TAFA2: variants seen among roughly 807,000 people sequenced by gnomAD.
TAFA2 encodes the protein TAFA chemokine like family member 2.
In TAFA2, 7 loss-of-function variants were observed where a neutral mutation model predicts 18.8. That is an observed-to-expected ratio of 0.37 (90% CI 0.21 to 0.70). TAFA2 has a LOEUF of 0.70. TAFA2 is among the 30% of genes least tolerant of loss of function. TAFA2 has a pLI of 0.53. For missense variants in TAFA2, 122 were observed against 158.1 expected (o/e 0.77, Z 1.23); for synonymous variants, 60 against 54.2 (o/e 1.11, Z -0.47).
chr12:62,204,801 A>G (rs538280811), intron 1 of TAFA2, among the ~76,000 whole-genome samples: 7 of 152,256 alleles, frequency 4.6e-5, no homozygotes, highest in African/African-American at 1.4e-4. Context: ...GTTCATTATT[A>G]CCCACTTTCT....
At chr12:61,873,175 G>A (rs1248651783) in intron 1 of TAFA2, among the ~76,000 whole-genome samples, 1 of 152,138 alleles carries the variant, frequency 6.6e-6, no homozygotes, top group Non-Finnish European at 1.5e-5. Flanking sequence ...ACTAGAAATG[G>A]AGATGTGAAG....
At chr12:61,880,878 G>A (rs1388155466) in intron 1 of TAFA2, 1 of 191,150 alleles carries the variant, frequency 5.2e-6, no homozygotes, top group African/African-American at 2.4e-5. Flanking sequence ...ACCCACCTGA[G>A]ACTCAGCCCT....
intron 2 of TAFA2, among the ~76,000 whole-genome samples, chr12:61,819,283 G>A (rs573903074): frequency 9.2e-5 from 14 of 152,224 alleles, no homozygotes; most frequent in Middle Eastern, 3.4e-3. Context: ...TATAAAAATC[G>A]TGACTACCCA....
Position 62,063,086 on chromosome 12 carries a change from C to T in TAFA2, c.-2+128173G>A, listed in dbSNP as rs141609368. Reference sequence around the variant, plus strand: ...TCAATACCCCTACTCTTGATCACAACCTGTGTCATATAAGGTAATATATTC... The same window carrying T: ...TCAATACCCCTACTCTTGATCACAATCTGTGTCATATAAGGTAATATATTC... On this transcript the variant is annotated intron_variant, in intron 1 of 4. Transcript: ENST00000416284. Among the ~76,000 whole-genome samples, 188 of 152,100 alleles carry T rather than the reference C, an allele frequency of 1.2e-3. 1 individual carries two copies. Among genetic ancestry groups the T allele is most frequent in the African/African-American group, 3.2e-3 (131 of 41,482 alleles).
chr12:61,778,915 C>T (rs1371943730), intron 2 of TAFA2, among the ~76,000 whole-genome samples: 52 of 151,804 alleles, frequency 3.4e-4, no homozygotes, highest in Admixed American at 3.4e-3. Context: ...GTTATCCTTG[C>T]TTATAGAGAC....
intron 1 of TAFA2, among the ~76,000 whole-genome samples, chr12:61,868,383 T>G (rs1346912775): frequency 6.6e-6 from 1 of 152,142 alleles, no homozygotes; most frequent in Non-Finnish European, 1.5e-5. Flanking sequence ...CAAGTCCATC[T>G]CCATTTATTT....
chr12:61,980,924 C>A (rs953871183), intron 1 of TAFA2, among the ~76,000 whole-genome samples: 1 of 152,108 alleles, frequency 6.6e-6, no homozygotes, highest in Non-Finnish European at 1.5e-5. Flanking sequence ...ATCAAGCTAC[C>A]AATGACTTTC....
chr12:62,030,389 A>G (rs1217057736), intron 1 of TAFA2, among the ~76,000 whole-genome samples: 3 of 152,304 alleles, frequency 2.0e-5, no homozygotes, highest in South Asian at 4.1e-4. Context: ...GGAGAAATAG[A>G]ATAAGCCACA....
intron 1 of TAFA2, among the ~76,000 whole-genome samples, chr12:61,995,714 A>G (rs868224932): frequency 9.8e-5 from 15 of 152,314 alleles, no homozygotes; most frequent in African/African-American, 3.4e-4. Context: ...GGCACATCAA[A>G]AGGGACAAAA....
At chr12:62,121,817 G>A (rs574196863) in intron 1 of TAFA2, among the ~76,000 whole-genome samples, 1 of 152,266 alleles carries the variant, frequency 6.6e-6, no homozygotes, top group African/African-American at 2.4e-5. Context: ...TCTGTCCATG[G>A]TTCAAAACAA....
At chr12:61,956,364 C>T (rs989514383) in intron 1 of TAFA2, among the ~76,000 whole-genome samples, 8 of 151,998 alleles carry the variant, frequency 5.3e-5, no homozygotes, top group Admixed American at 3.3e-4. Context: ...TTCCATGTTT[C>T]TCCCCTTCCT....
rs1465475589 is a variant in TAFA2, at chr12:62,257,165, T to TGTGTGTATATGTATATATACACA, written c.-130+1597_-130+1598insTGTGTATATATACATATACACAC. On this transcript the variant is annotated intron_variant, in intron 1 of 5. Transcript: ENST00000551619. ...GTGTATATATATATACATATATATG[T>TGTGTGTATATGTATATATACACA]GTGTGTGTGTGTGTGTGTGTGTGTG... Among the ~76,000 whole-genome samples the TGTGTGTATATGTATATATACACA allele has an allele frequency of 1.3e-4, 6 of 46,950 alleles. No individual in the cohort carries two copies. In the East Asian group the frequency reaches 4.6e-3, roughly 36 times the overall value. 30.8% of individuals were successfully genotyped at this position (46,950 alleles called of 152,430 possible). A position where few individuals can be genotyped will look rare whatever the true frequency, so the allele number is the denominator to read the frequency against.
chr12:61,976,900 C>T (rs1398325570), intron 1 of TAFA2, among the ~76,000 whole-genome samples: 1 of 152,062 alleles, frequency 6.6e-6, no homozygotes, highest in Non-Finnish European at 1.5e-5. Context: ...ATATGTGCCA[C>T]ATTTTCTTAA....
In TAFA2 at chr12:61,916,188, A is replaced by G. The variant is rs576174216; in HGVS notation, c.-1-48762T>C. 2.6e-5 allele frequency among the ~76,000 whole-genome samples: 4 copies of G among 152,280 alleles called. No individual in the cohort carries two copies. In the South Asian group the frequency reaches 8.3e-4, roughly 32 times the overall value. On this transcript the variant is annotated intron_variant, in intron 1 of 4. Coordinates refer to ENST00000416284, the MANE Select transcript of TAFA2 (RefSeq NM_178539.5). ...TCTTGAAATTTGAGATCCAAGACTA[A>G]ACAAAATTAAGAAGAGAATATATGT...
At position 61,793,866 on chromosome 12, in the gene TAFA2, A is replaced by G. The variant is rs1565635901; in HGVS notation, c.107-38842T>C. Among the ~76,000 whole-genome samples, 3 of 151,958 alleles carry G rather than the reference A, an allele frequency of 2.0e-5. No homozygotes were observed. The South Asian group carries it at 6.2e-4, about 31-fold the overall frequency. On this transcript the variant is annotated intron_variant, in intron 2 of 4. Coordinates refer to ENST00000416284, the MANE Select transcript of TAFA2 (RefSeq NM_178539.5). ...ATTAGCAAAATAAATCCAACAATACATAAAAACGATAACACAAAGTGACCA... is the reference window on the plus strand; with the variant it reads ...ATTAGCAAAATAAATCCAACAATACGTAAAAACGATAACACAAAGTGACCA...
chr12:61,885,140 C>T (rs1334678951), intron 1 of TAFA2, among the ~76,000 whole-genome samples: 1 of 152,110 alleles, frequency 6.6e-6, no homozygotes, highest in Admixed American at 6.5e-5. Context: ...AAAACTGAGG[C>T]TCAGAGGGAT....
chr12:61,953,742 A>G (rs114012411), intron 1 of TAFA2, among the ~76,000 whole-genome samples: 1,588 of 152,244 alleles, frequency 0.01, 23 homozygotes, highest in African/African-American at 0.035. Context: ...CTCATCCACC[A>G]AAACACCAGG....
At chr12:61,923,198 A>G (rs1877132318) in intron 1 of TAFA2, among the ~76,000 whole-genome samples, 1 of 152,192 alleles carries the variant, frequency 6.6e-6, no homozygotes, top group African/African-American at 2.4e-5. Context: ...TGTCGGCTCT[A>G]AAGAGAGCAG....
intron 1 of TAFA2, among the ~76,000 whole-genome samples, chr12:62,042,653 C>A (rs748322271): frequency 1.2e-4 from 19 of 152,084 alleles, no homozygotes; most frequent in Non-Finnish European, 2.4e-4. Context: ...CCTTGCCTAT[C>A]AAAACACTTA....
Sources: allele counts gnomAD v4.1 joint callset (sites outside exome capture counted in the v4.1 genomes callset), GRCh38; gene constraint gnomAD v4.1.1; transcripts MANE v1.5; gene names NCBI Gene and HGNC (gene_info 2026-07-23, HGNC 2026-07-21).